USP34: variants seen among roughly 807,000 people sequenced by gnomAD.
The protein encoded by USP34 is ubiquitin carboxyl-terminal hydrolase 34.
A neutral mutation model predicts 460.3 loss-of-function variants in USP34; 70 were observed. That is an observed-to-expected ratio of 0.15 (90% CI 0.13 to 0.19). The LOEUF is 0.19. Among genes scored for constraint, USP34 ranks in the 10% least tolerant of loss-of-function variants. USP34 has a pLI of 1.00. For synonymous variants in USP34, 1,647 were observed against 1,405.3 expected, an observed-to-expected ratio of 1.17 and a Z score of -3.85; for missense variants, 3,985 against 4,236.2, an observed-to-expected ratio of 0.94 and a Z score of 1.65.
chr2:61,416,801 C>A, intron 2 of USP34: 2 of 418,834 alleles, frequency 4.8e-6, no homozygotes, highest in Non-Finnish European at 4.2e-6. Context: ...TGTTATTAAC[C>A]TCCCTAATCT....
At chr2:61,272,436 G>C (rs1689245033) in intron 41 of USP34, among the ~76,000 whole-genome samples, 1 of 151,120 alleles carries the variant, frequency 6.6e-6, no homozygotes, top group South Asian at 2.1e-4. Context: ...AAAAAATTAG[G>C]AGTCATTCTT....
At position 61,470,828 on chromosome 2, in the gene USP34, C is replaced by G; in HGVS notation, c.-136G>C. ...GGGAGGCGACTAGGGCGGGCGGCGG[C>G]GGGGACGGGGCGGGGAGCAAGAGAA... On this transcript the variant is annotated 5_prime_UTR_variant, in exon 1 of 80. Transcript: ENST00000398571. 3.3e-5 allele frequency: 5 copies of G among 151,256 alleles called. No individual in the cohort carries two copies. Among genetic ancestry groups the G allele is most frequent in the East Asian group, 2.7e-4 (1 of 3,712 alleles). The allele number at this position is 151,256 out of a possible 1,614,324, so 9.4% of individuals were successfully genotyped here. A position where few individuals can be genotyped will look rare whatever the true frequency, so the allele number is the denominator to read the frequency against.
intron 5 of USP34, among the ~76,000 whole-genome samples, chr2:61,390,355 T>C (rs775209405): frequency 3.2e-4 from 49 of 152,238 alleles, no homozygotes; most frequent in Non-Finnish European, 5.4e-4. Context: ...GAGATTAACT[T>C]CCATTTGGGT....
At position 61,349,249 on chromosome 2, in the gene USP34, C is replaced by G. The variant is rs775362581; in HGVS notation, c.1543+1G>C. On this transcript the variant is annotated splice_donor_variant, in intron 13 of 79. Transcript: ENST00000398571. LOFTEE classifies it high-confidence loss of function. ...CCATGAATTTCTAAGGCTCAACTTA[C>G]AAGGTGATGGAGCTGTTCTTCTAAG... The G allele has an allele frequency of 2.5e-6, 4 of 1,612,384 alleles. No homozygotes were observed. In the Admixed American group the frequency reaches 6.7e-5, roughly 27 times the overall value.
intron 1 of USP34, among the ~76,000 whole-genome samples, chr2:61,462,955 C>A (rs1695649804): frequency 6.6e-6 from 1 of 151,352 alleles, no homozygotes; most frequent in African/African-American, 2.4e-5. Flanking sequence ...CACTTGAGCC[C>A]AGGAGGTCAA....
chr2:61,306,158 T>C (rs1287003154), intron 27 of USP34, among the ~76,000 whole-genome samples: 2 of 152,338 alleles, frequency 1.3e-5, no homozygotes, highest in East Asian at 3.9e-4. Flanking sequence ...CCCATGCCTA[T>C]GTCCTGAATG....
chr2:61,220,243 A>C, intron 67 of USP34, 67 bp downstream of exon 67: 1 of 1,479,660 alleles, frequency 6.8e-7, no homozygotes, highest in Admixed American at 2.2e-5. Context: ...AGTTGCCTAA[A>C]AACAAAATGA....
intron 48 of USP34, among the ~76,000 whole-genome samples, chr2:61,253,137 A>G (rs1024548364): frequency 6.6e-6 from 1 of 152,218 alleles, no homozygotes; most frequent in Non-Finnish European, 1.5e-5. Flanking sequence ...CAATTGGCCC[A>G]TTTCTGTTGA....
chr2:61,288,998 T>A, intron 33 of USP34, 121 bp from the exon 34 acceptor site: 1 of 1,006,654 alleles, frequency 9.9e-7, no homozygotes, highest in Non-Finnish European at 1.4e-6. Context: ...AATCATGTAC[T>A]ATAAAAATTC....
intron 32 of USP34, among the ~76,000 whole-genome samples, chr2:61,294,317 G>A (rs1417517396): frequency 6.6e-6 from 1 of 151,356 alleles, no homozygotes; most frequent in Non-Finnish European, 1.5e-5. Flanking sequence ...CTGCAATCCA[G>A]CCTGGGTGAC....
In USP34 at chr2:61,278,246, A is replaced by C. The variant is rs756949364; in HGVS notation, c.5352T>G (p.Asp1784Glu). The C allele has an allele frequency of 6.2e-7, 1 of 1,613,796 alleles. No individual in the cohort carries two copies. The highest frequency in any genetic ancestry group is 8.5e-7 in the Non-Finnish European group (1 of 1,179,850). Residue 1784 changes from aspartate to glutamate, a missense_variant, in exon 41 of 80, where the codon GAT (aspartate) becomes GAG (glutamate). Physicochemically the swap from Asp to Glu is conservative, Grantham distance 45. Transcript: ENST00000398571. ...GCCTTAGGAGTCCTGTAAGCCCATCATCTTCTACATTACCATCCTGATGAT... is the reference window on the plus strand; with the variant it reads ...GCCTTAGGAGTCCTGTAAGCCCATCCTCTTCTACATTACCATCCTGATGAT... ...ILDHQDGNVE[D>E]DGLTGLLRLA...
At position 61,348,434 on chromosome 2, in the gene USP34, T is replaced by C. The variant is rs1400129748; in HGVS notation, c.1721A>G (p.Asp574Gly). The change falls in exon 15 of 80, where the codon GAT becomes GGT. Residue 574 changes from aspartate to glycine, a missense_variant. Around this residue, in one of 14 missense-constraint regions of USP34, gnomAD observed 716 missense variants for 626.2 expected, o/e 1.14. Coordinates refer to ENST00000398571, the MANE Select transcript of USP34 (RefSeq NM_014709.4). ...ACTGCTACCAGGACCACTGCTTCCA[T>C]CTTCACCACTGTTGGCAGTTTCGTC... ...SSDETANSGE[D>G]GSSGPGSSSG... 6 of 1,613,676 alleles carry C rather than the reference T, an allele frequency of 3.7e-6. No homozygotes were observed. The highest frequency in any genetic ancestry group is 2.2e-5 in the East Asian group (1 of 44,874).
intron 1 of USP34, among the ~76,000 whole-genome samples, chr2:61,425,287 C>T (rs192295767): frequency 6.6e-4 from 100 of 152,256 alleles, no homozygotes; most frequent in Non-Finnish European, 9.7e-4. Flanking sequence ...AACTGAAACA[C>T]CTTCATAAAA....
At chr2:61,247,610 C>T (rs1159480144) in intron 49 of USP34, among the ~76,000 whole-genome samples, 2 of 152,066 alleles carry the variant, frequency 1.3e-5, no homozygotes, top group Admixed American at 1.3e-4. Flanking sequence ...CTTACTGCAG[C>T]CCTGGACTCC....
chr2:61,206,637 T>G, intron 71 of USP34, 123 bp downstream of exon 71: 1 of 1,244,408 alleles, frequency 8.0e-7, no homozygotes, highest in Non-Finnish European at 1.1e-6. Context: ...GTTAGCTAGC[T>G]TCAGCCTCAT....
intron 5 of USP34, among the ~76,000 whole-genome samples, chr2:61,389,017 A>C (rs146715473): frequency 2.0e-5 from 3 of 152,302 alleles, no homozygotes; most frequent in East Asian, 3.9e-4. Context: ...TAAAAAAAAC[A>C]ACCAGGCATG....
At chr2:61,468,576 G>C (rs183702645) in intron 1 of USP34, among the ~76,000 whole-genome samples, 33 of 152,286 alleles carry the variant, frequency 2.2e-4, no homozygotes, top group African/African-American at 7.9e-4. Context: ...AAGAAACTAA[G>C]TATTTTTAGA....
intron 10 of USP34, among the ~76,000 whole-genome samples, chr2:61,365,977 A>G (rs890710240): frequency 1.2e-5 from 1 of 85,584 alleles, no homozygotes; most frequent in African/African-American, 3.6e-5. Flanking sequence ...TTTGAGACAC[A>G]GTCTCACTCT....
chr2:61,238,641 C>CAT, intron 53 of USP34, among the ~76,000 whole-genome samples: 1 of 152,244 alleles, frequency 6.6e-6, no homozygotes, highest in South Asian at 2.1e-4. Context: ...TATTAATATT[C>CAT]ATGTACACAG....
Sources: gnomAD v4.1 joint callset for allele counts (sites outside exome capture counted in the v4.1 genomes callset) on GRCh38, gnomAD v4.1.1 for gene constraint, gnomAD v4.1.1 regional missense constraint, MANE v1.5 for transcripts, NCBI Gene and HGNC (gene_info 2026-07-23, HGNC 2026-07-21) for gene names.